The following ADAMTSL1 variants were observed in gnomAD, a reference collection of about 807,000 sequenced individuals.
ADAMTSL1 encodes ADAMTS like 1, also known as ADAMTS-like protein 1.
A neutral mutation model predicts 201.8 loss-of-function variants in ADAMTSL1; 126 were observed. That is an observed-to-expected ratio of 0.62 (90% CI 0.54 to 0.72). The LOEUF is 0.72. Among genes scored for constraint, ADAMTSL1 ranks in the 30% least tolerant of loss-of-function variants. The probability of loss-of-function intolerance (pLI) is 0.00; values close to 1 mark genes in which losing one functional copy is unlikely to be tolerated. For missense variants in ADAMTSL1, 2,679 were observed against 2,277.8 expected (o/e 1.18, Z -3.59); for synonymous variants, 1,121 against 903.4 (o/e 1.24, Z -4.32).
chr9:18,687,507 T>C (rs573511943), intron 13 of ADAMTSL1, among the ~76,000 whole-genome samples: 4 of 152,336 alleles, frequency 2.6e-5, no homozygotes, highest in African/African-American at 7.2e-5. Flanking sequence ...TCCACAACTA[T>C]TATCTCTTGC....
At chr9:18,072,961 G>A (rs186735823) in intron 1 of ADAMTSL1, among the ~76,000 whole-genome samples, 127 of 152,218 alleles carry the variant, frequency 8.3e-4, no homozygotes, top group African/African-American at 2.8e-3. Flanking sequence ...TTTATGTACC[G>A]TCCAGTTTGA....
chr9:18,742,820 G>C (rs188802516), intron 15 of ADAMTSL1, among the ~76,000 whole-genome samples: 131 of 152,234 alleles, frequency 8.6e-4, no homozygotes, highest in Admixed American at 8.5e-3. Flanking sequence ...ATAAAATAGA[G>C]ACAAACTGCA....
chr9:18,575,775 T>C (rs1209638634), intron 4 of ADAMTSL1, among the ~76,000 whole-genome samples: 1 of 152,218 alleles, frequency 6.6e-6, no homozygotes, highest in Non-Finnish European at 1.5e-5. Context: ...GCTGTATGTT[T>C]GGTCATGCCA....
chr9:18,504,404 G>A (rs1418659778), intron 1 of ADAMTSL1, among the ~76,000 whole-genome samples: 2 of 152,216 alleles, frequency 1.3e-5, no homozygotes, highest in Admixed American at 6.5e-5. Flanking sequence ...AATATTGTTA[G>A]ATTTTGGGAA....
intron 14 of ADAMTSL1, among the ~76,000 whole-genome samples, chr9:18,710,786 C>T (rs1309724524): frequency 6.7e-6 from 1 of 150,032 alleles, no homozygotes; most frequent in African/African-American, 2.5e-5. Flanking sequence ...TACTGTGGCT[C>T]CTTGTTGGAT....
intron 3 of ADAMTSL1, among the ~76,000 whole-genome samples, chr9:18,562,366 A>G (rs970786882): frequency 1.3e-5 from 2 of 152,176 alleles, no homozygotes; most frequent in African/African-American, 4.8e-5. Flanking sequence ...TCTGGCTTGT[A>G]GGGTTTCTGC....
chr9:18,283,713 C>T (rs1386722902), intron 2 of ADAMTSL1, among the ~76,000 whole-genome samples: 1 of 146,788 alleles, frequency 6.8e-6, no homozygotes, highest in Admixed American at 6.9e-5. Flanking sequence ...GAGATCGAGA[C>T]CATCCTGCCT....
At chr9:18,220,920 C>T (rs1316477342) in intron 2 of ADAMTSL1, among the ~76,000 whole-genome samples, 1 of 151,768 alleles carries the variant, frequency 6.6e-6, no homozygotes. Context: ...GACTACGAGC[C>T]TCTGCCACCA....
At chr9:18,848,698 G>C (rs896302415) in intron 23 of ADAMTSL1, among the ~76,000 whole-genome samples, 5 of 152,286 alleles carry the variant, frequency 3.3e-5, no homozygotes, top group Middle Eastern at 3.4e-3. Flanking sequence ...ACCAGAGTTG[G>C]GCAAACATTT....
At chr9:18,595,868 A>C (rs1326128768) in intron 4 of ADAMTSL1, among the ~76,000 whole-genome samples, 1 of 152,186 alleles carries the variant, frequency 6.6e-6, no homozygotes, top group African/African-American at 2.4e-5. Context: ...GGCAGAGCAG[A>C]TCTGTCAGCT....
intron 2 of ADAMTSL1, among the ~76,000 whole-genome samples, chr9:18,175,308 A>C (rs1828091858): frequency 6.6e-6 from 1 of 152,020 alleles, no homozygotes; most frequent in Admixed American, 6.6e-5. Flanking sequence ...TTCCTAGTAG[A>C]CTCACCTTCC....
intron 4 of ADAMTSL1, among the ~76,000 whole-genome samples, chr9:18,592,433 T>C (rs1823983179): frequency 6.6e-6 from 1 of 152,192 alleles, no homozygotes; most frequent in Non-Finnish European, 1.5e-5. Context: ...CTTCAAATGC[T>C]GAATGTCCAC....
At chr9:18,626,481 C>T (rs775131661) in intron 5 of ADAMTSL1, among the ~76,000 whole-genome samples, 5 of 152,048 alleles carry the variant, frequency 3.3e-5, no homozygotes, top group Admixed American at 2.0e-4. Context: ...TATTTGCATT[C>T]GGGATATATT....
intron 16 of ADAMTSL1, among the ~76,000 whole-genome samples, chr9:18,757,898 C>T (rs190535081): frequency 6.6e-6 from 1 of 152,314 alleles, no homozygotes; most frequent in East Asian, 1.9e-4. Context: ...ATACTTGCTA[C>T]ATTTCAGGAG....
intron 4 of ADAMTSL1, among the ~76,000 whole-genome samples, chr9:18,602,515 T>C (rs911844784): frequency 5.3e-5 from 8 of 152,356 alleles, no homozygotes; most frequent in African/African-American, 1.9e-4. Flanking sequence ...ACTGGGCTTC[T>C]AATCTGGTTC....
intron 1 of ADAMTSL1, among the ~76,000 whole-genome samples, chr9:18,150,851 G>A (rs1052151826): frequency 6.6e-6 from 1 of 151,906 alleles, no homozygotes. Flanking sequence ...TGGTTCAGGG[G>A]CACAGAAGTT....
At chr9:18,141,270 G>A (rs1179995429) in intron 1 of ADAMTSL1, among the ~76,000 whole-genome samples, 1 of 152,080 alleles carries the variant, frequency 6.6e-6, no homozygotes, top group Non-Finnish European at 1.5e-5. Context: ...GTTGAAGGAG[G>A]TTTGGGTTCC....
chr9:18,854,778 A>G (rs1402332866), intron 23 of ADAMTSL1, among the ~76,000 whole-genome samples: 1 of 152,110 alleles, frequency 6.6e-6, no homozygotes, highest in Non-Finnish European at 1.5e-5. Flanking sequence ...ATGTCAATCA[A>G]CTCTCAAACA....
intron 5 of ADAMTSL1, 108 bp downstream of exon 5, chr9:18,622,477 A>G: frequency 6.7e-7 from 1 of 1,497,024 alleles, no homozygotes; most frequent in Non-Finnish European, 9.1e-7. Flanking sequence ...CCAAAACGAT[A>G]ATGAACCTGA....
Sources: gnomAD v4.1 joint callset for allele counts (sites outside exome capture counted in the v4.1 genomes callset) on GRCh38, gnomAD v4.1.1 for gene constraint, MANE v1.5 for transcripts, NCBI Gene and HGNC (gene_info 2026-07-23, HGNC 2026-07-21) for gene names.